Variants in ITFG2 observed in about 807,000 individuals in gnomAD.
ITFG2 encodes the protein integrin alpha FG-GAP repeat containing 2.
A neutral mutation model predicts 54.4 loss-of-function variants in ITFG2; 36 were observed. The ratio of observed to expected loss-of-function variants is 0.66; its 90% confidence interval spans 0.51 to 0.87. The LOEUF (loss-of-function observed/expected upper bound fraction) is 0.87, where lower values mean the gene tolerates loss of function less well. ITFG2 is among the 40% of genes least tolerant of loss of function. The probability of loss-of-function intolerance (pLI) is 0.00; values close to 1 mark genes in which losing one functional copy is unlikely to be tolerated. For missense variants in ITFG2, 524 were observed against 576.7 expected (o/e 0.91, Z 0.94); for synonymous variants, 211 against 225.4 (o/e 0.94, Z 0.57).
At chr12:2,842,285 C>CTATTTTTT (rs1466282415) in intron 2 of ITFG2, among the ~76,000 whole-genome samples, 1 of 150,766 alleles carries the variant, frequency 6.6e-6, no homozygotes, top group Non-Finnish European at 1.5e-5. Flanking sequence ...CCACGCCCAG[C>CTATTTTTT]TATTTTTTTG....
chr12:2,830,879 A>T, exon 3 of ITFG2: 1 of 1,609,372 alleles, frequency 6.2e-7, no homozygotes, highest in African/African-American at 1.3e-5. Flanking sequence ...ATCACAAAAC[A>T]ATGAAGGTAG....
At chr12:2,837,031 C>T (rs966356484) in intron 1 of ITFG2, 5 of 152,336 alleles carry the variant, frequency 3.3e-5, no homozygotes, top group African/African-American at 1.2e-4. Context: ...CCCCAGGAAA[C>T]TAGTACATTA....
At chr12:2,854,518 T>C (rs2098081140) in intron 2 of ITFG2, among the ~76,000 whole-genome samples, 1 of 152,184 alleles carries the variant, frequency 6.6e-6, no homozygotes, top group African/African-American at 2.4e-5. Context: ...CTCCAGTTCT[T>C]TACATTAATA....
At chr12:2,821,384 A>G (rs747134077) in intron 7 of ITFG2, 25 bp downstream of exon 7, 9 of 1,584,488 alleles carry the variant, frequency 5.7e-6, no homozygotes, top group African/African-American at 1.3e-5. Context: ...GGTGTGAGGG[A>G]GGGAGATGAG....
At chr12:2,817,413 G>T in intron 2 of ITFG2, 95 bp downstream of exon 2, 1 of 803,974 alleles carries the variant, frequency 1.2e-6, no homozygotes, top group South Asian at 1.6e-5. Context: ...TCACCCATGT[G>T]TCCTGACTCC....
At chr12:2,831,199 C>T (rs1241443676), downstream of ITFG2, among the ~76,000 whole-genome samples, 1 of 151,416 alleles carries the variant, frequency 6.6e-6, no homozygotes, top group African/African-American at 2.4e-5. Flanking sequence ...TTTTTTTTAA[C>T]TAGGAGGGTT....
chr12:2,828,415 C>G (rs2097981444), downstream of ITFG2: 1 of 1,613,426 alleles, frequency 6.2e-7, no homozygotes, highest in Non-Finnish European at 8.5e-7. Flanking sequence ...GGTCCTGGCA[C>G]TAAGAAAGAA....
rs118096703 is a variant in ITFG2 at position 2,839,175 on chromosome 12, C to T, written n.147-1667C>T. On this transcript the variant is annotated intron_variant and non_coding_transcript_variant, in intron 1 of 3. Transcript: ENST00000537710. ...GGCATAGTGGCGCATGCCTGTAATC[C>T]GAGCTACTCAGATGCTGAAGTGGGG... is the stretch of plus-strand genomic sequence containing the variant. Among the ~76,000 whole-genome samples the T allele has an allele frequency of 2.5e-4, 38 of 152,148 alleles. No homozygotes were observed. The East Asian group carries it at 4.3e-3, about 17-fold the overall frequency.
At chr12:2,830,614 T>C in intron 2 of ITFG2, 1 of 1,351,142 alleles carries the variant, frequency 7.4e-7, no homozygotes, top group Non-Finnish European at 1.0e-6. Flanking sequence ...TCTCCCTCCC[T>C]CCCTCTCCCA....
intron 2 of ITFG2, chr12:2,849,503 C>T (rs947906502): frequency 1.9e-5 from 29 of 1,535,990 alleles, no homozygotes; most frequent in Non-Finnish European, 2.4e-5. Context: ...TCAAACCTCC[C>T]ACCAGCGGAT....
At position 2,824,189 on chromosome 12, in the gene ITFG2, C is replaced by T. The variant is rs767347515; in HGVS notation, c.1340C>T (p.Thr447Ile). Residue 447 changes from threonine (T) to isoleucine (I), a missense_variant, in exon 12 of 12, where the codon ACC becomes ATC. Physicochemically the swap from Thr to Ile is moderately conservative, Grantham distance 89 (BLOSUM62 -1). Transcript: ENST00000228799. ...QCAPSSLQDPT is the reference protein window; with the variant it reads ...QCAPSSLQDPI ...GCTCCCTCAAGCCTCCAGGATCCCA[C>T]CTAGCTGTACTTGCCTCATAGCTGG... The T allele has an allele frequency of 1.2e-6, 2 of 1,614,048 alleles. No individual in the cohort carries two copies. The highest frequency in any genetic ancestry group is 1.7e-6 in the Non-Finnish European group (2 of 1,179,922).
chr12:2,828,852 A>G (rs2097984569), downstream of ITFG2, among the ~76,000 whole-genome samples: 1 of 152,002 alleles, frequency 6.6e-6, no homozygotes, highest in Non-Finnish European at 1.5e-5. Flanking sequence ...CAAAACAAAC[A>G]AAAAAACTGG....
intron 3 of ITFG2, chr12:2,858,493 G>T: frequency 3.0e-6 from 2 of 673,604 alleles, no homozygotes; most frequent in East Asian, 2.7e-5. Context: ...GGGTGTGACT[G>T]CTACTTTTGC....
At chr12:2,831,356 G>T (rs889276187), downstream of ITFG2, among the ~76,000 whole-genome samples, 2 of 152,000 alleles carry the variant, frequency 1.3e-5, no homozygotes, top group African/African-American at 4.8e-5. Context: ...GGCCGAGGTG[G>T]GTGGATCACT....
chr12:2,818,491 GAAGAAACAGAA>G, intron 4 of ITFG2: 1 of 849,814 alleles, frequency 1.2e-6, no homozygotes. Flanking sequence ...GCCTTATTAT[GAAGAAACAGAA>G]AAGAAACAAT....
chr12:2,845,283 G>A lies in ITFG2; in HGVS notation n.300+4288G>A, dbSNP rs542216992. On this transcript the variant is annotated intron_variant and non_coding_transcript_variant, in intron 2 of 3. Transcript: ENST00000537710. This position sits in a 1 kb window ranked among gnomAD's most constrained non-coding sequence, Gnocchi z 4.2. ...CTGTCTGCAGAGGGGATCTTGGCTC[G>A]AGTTTGTCATCTCAAGGAGCAGCTA... 6.6e-6 allele frequency among the ~76,000 whole-genome samples: 1 copy of A among 152,254 alleles called. No homozygotes were observed. Among genetic ancestry groups the A allele is most frequent in the South Asian group, 2.1e-4 (1 of 4,822 alleles).
chr12:2,830,797 G>T (rs761509757), intron 2 of ITFG2: 2 of 1,613,778 alleles, frequency 1.2e-6, no homozygotes, highest in African/African-American at 2.7e-5. Flanking sequence ...ATCCGGGGAG[G>T]CTCCCCCTGA....
Position 2,812,873 on chromosome 12 carries a change from C to G in ITFG2, c.96+17C>G. 3.1e-6 allele frequency: 5 copies of G among 1,593,548 alleles called. No individual in the cohort carries two copies. The highest frequency in any genetic ancestry group is 1.1e-5 in the South Asian group (1 of 90,722). ...AACGATACGGTAGGTGCATGCGCAC[C>G]GCAAGAGACAGCCTGGATCTGTGCA... On this transcript the variant is annotated intron_variant, in intron 1 of 11. Transcript: ENST00000228799.
At chr12:2,828,134 T>G (rs112921825), downstream of ITFG2, 8,981 of 1,331,540 alleles carry the variant, frequency 6.7e-3, 413 homozygotes, top group African/African-American at 0.11. Context: ...TCTACTATGG[T>G]TTCATCTCCA....
Sources: gnomAD v4.1 joint callset for allele counts (sites outside exome capture counted in the v4.1 genomes callset) on GRCh38, gnomAD v4.1.1 for gene constraint, Gnocchi (gnomAD v3.1) non-coding constraint, MANE v1.5 for transcripts, NCBI Gene and HGNC (gene_info 2026-07-23, HGNC 2026-07-21) for gene names.